Variants in GPR137C observed in about 807,000 individuals in gnomAD.
GPR137C encodes G protein-coupled receptor 137C, also known as integral membrane protein GPR137C.
A neutral mutation model predicts 43.4 loss-of-function variants in GPR137C; 27 were observed. The observed-to-expected ratio is 0.62, with a 90% CI of 0.46 to 0.86. The LOEUF is 0.86. Among genes scored for constraint, GPR137C ranks in the 40% least tolerant of loss-of-function variants. GPR137C has a pLI of 0.00. For missense variants in GPR137C, 522 were observed against 534.6 expected (o/e 0.98, Z 0.23); for synonymous variants, 285 against 226.9 (o/e 1.26, Z -2.30).
intron 3 of GPR137C, among the ~76,000 whole-genome samples, chr14:52,629,520 C>A (rs1042731791): frequency 6.6e-6 from 1 of 152,194 alleles, no homozygotes; most frequent in Non-Finnish European, 1.5e-5. Context: ...AAACAACTAA[C>A]TCCTGATAGA....
chr14:52,576,395 T>C (rs1392935392), intron 1 of GPR137C, among the ~76,000 whole-genome samples: 1 of 152,242 alleles, frequency 6.6e-6, no homozygotes, highest in Non-Finnish European at 1.5e-5. Flanking sequence ...TGATTCTGTA[T>C]CTTTGCTATT....
chr14:52,634,792 CA>C, intron 6 of GPR137C, 145 bp from the exon 7 acceptor site: 1 of 671,462 alleles, frequency 1.5e-6, no homozygotes, highest in East Asian at 3.0e-5. Flanking sequence ...TGTAGAAAAG[CA>C]TTTTGTTATT....
At chr14:52,569,502 A>G (rs1486629106) in intron 1 of GPR137C, among the ~76,000 whole-genome samples, 2 of 152,082 alleles carry the variant, frequency 1.3e-5, no homozygotes, top group Non-Finnish European at 2.9e-5. Context: ...CTCCAAGCTA[A>G]AGGAGCATGT....
chr14:52,573,842 T>C (rs901330060), intron 1 of GPR137C, among the ~76,000 whole-genome samples: 8 of 152,002 alleles, frequency 5.3e-5, no homozygotes, highest in African/African-American at 1.7e-4. Flanking sequence ...AGGGCTAATA[T>C]CCAGAATTTA....
chr14:52,581,383 A>AG (rs2038644487), intron 1 of GPR137C, among the ~76,000 whole-genome samples: 1 of 150,430 alleles, frequency 6.6e-6, no homozygotes, highest in East Asian at 2.0e-4. Flanking sequence ...AAAAAAAAAA[A>AG]AAAATAGCTG....
chr14:52,570,533 T>C (rs765692379), intron 1 of GPR137C, among the ~76,000 whole-genome samples: 20 of 152,144 alleles, frequency 1.3e-4, no homozygotes, highest in Non-Finnish European at 8.8e-5. Context: ...AATTACCCAA[T>C]TAAAAGACAC....
At chr14:52,559,340 C>G (rs1166737743) in intron 1 of GPR137C, among the ~76,000 whole-genome samples, 1 of 152,146 alleles carries the variant, frequency 6.6e-6, no homozygotes, top group Non-Finnish European at 1.5e-5. Context: ...CGAGATCACA[C>G]CACTGCACTC....
Position 52,598,278 on chromosome 14 carries a change from T to C in GPR137C, c.451T>C (p.Cys151Arg), listed in dbSNP as rs377264382. The change falls in exon 2 of 7, where the codon TGT (cysteine) becomes CGT (arginine). Residue 151 changes from cysteine to arginine, a missense_variant. By Grantham distance (180) the Cys-to-Arg change is radical. This residue lies in a region of GPR137C where 437 missense variants were observed against 425.7 expected (regional missense o/e 1.03). Coordinates refer to ENST00000321662, the MANE Select transcript of GPR137C (RefSeq NM_001099652.2). The part of the protein sequence containing the change: ...LLNLYLAEVI[C>R]KVRCATELDR... ...TTTTATATTCTCTTTATAGGTTATA[T>C]GTAAAGTCAGATGTGCCACTGAACT... 7.3e-5 allele frequency: 99 copies of C among 1,364,444 alleles called. No homozygotes were observed. Among genetic ancestry groups the C allele is most frequent in the Non-Finnish European group, 9.5e-5 (95 of 997,752 alleles). The allele number at this position is 1,364,444 out of a possible 1,614,324, so 84.5% of individuals were successfully genotyped here.
chr14:52,620,179 T>C (rs774268491), intron 3 of GPR137C, among the ~76,000 whole-genome samples: 1 of 152,126 alleles, frequency 6.6e-6, no homozygotes, highest in Non-Finnish European at 1.5e-5. Flanking sequence ...ACTGTTTTAC[T>C]GGCTTGAAAA....
chr14:52,602,191 A>C (rs981616266), intron 3 of GPR137C, among the ~76,000 whole-genome samples: 8 of 151,752 alleles, frequency 5.3e-5, no homozygotes, highest in African/African-American at 1.5e-4. Context: ...TTCTTGTATA[A>C]TCACTAGACT....
rs2039369081 is a variant in GPR137C at position 52,637,707 on chromosome 14, GC to G, written c.*2593del. On this transcript the variant is annotated 3_prime_UTR_variant, in exon 7 of 7. Transcript: ENST00000321662. ...TACTATTAAAAATAAAAGTGTTTGT[GC>G]TTTTATTTAGAGTTCTGGTTTTCTT... is the stretch of plus-strand genomic sequence containing the variant. 1 of 151,580 alleles carries G rather than the reference GC, an allele frequency of 6.6e-6. No homozygotes were observed. Among genetic ancestry groups the G allele is most frequent in the Admixed American group, 6.6e-5 (1 of 15,196 alleles). 9.4% of individuals were successfully genotyped at this position (151,580 alleles called of 1,614,324 possible). A position where few individuals can be genotyped will look rare whatever the true frequency, so the allele number is the denominator to read the frequency against.
intron 3 of GPR137C, chr14:52,612,803 T>C (rs1183842214): frequency 2.0e-5 from 3 of 151,784 alleles, no homozygotes; most frequent in Non-Finnish European, 4.4e-5. Flanking sequence ...TGGCCTCAGA[T>C]GATCCTGTCA....
intron 1 of GPR137C, among the ~76,000 whole-genome samples, chr14:52,594,576 C>T (rs1474717260): frequency 6.6e-6 from 1 of 152,128 alleles, no homozygotes; most frequent in Non-Finnish European, 1.5e-5. Flanking sequence ...CAGTAATGGC[C>T]TTCTTTGTCT....
intron 1 of GPR137C, among the ~76,000 whole-genome samples, chr14:52,573,629 A>G (rs2038505238): frequency 1.3e-5 from 2 of 152,178 alleles, no homozygotes; most frequent in Admixed American, 1.3e-4. Flanking sequence ...CCAAGAAGAA[A>G]ACCTAGGCAA....
rs1369672727 is a variant in GPR137C, at chr14:52,634,948, T to G, written c.1123T>G (p.Ser375Ala). ...GSSREGSLPN[S>A]QSLGWYGTMT... ...TTTTTTTTGTTGCAGTTTACCAAAT[T>G]CGCAAAGTTTGGGCTGGTATGGCAC... is the stretch of plus-strand genomic sequence containing the variant. Residue 375 changes from serine (S) to alanine (A), a missense_variant, in exon 7 of 7, where the codon TCG (serine) becomes GCG (alanine). Physicochemically the swap from Ser to Ala is moderately conservative, Grantham distance 99. Coordinates refer to ENST00000321662, the MANE Select transcript of GPR137C (RefSeq NM_001099652.2). 1 of 1,612,220 alleles carries G rather than the reference T, an allele frequency of 6.2e-7. No homozygotes were observed. Among genetic ancestry groups the G allele is most frequent in the Non-Finnish European group, 8.5e-7 (1 of 1,179,142 alleles).
chr14:52,582,700 A>G (rs2038663524), intron 1 of GPR137C, among the ~76,000 whole-genome samples: 1 of 152,158 alleles, frequency 6.6e-6, no homozygotes, highest in Non-Finnish European at 1.5e-5. Flanking sequence ...AGGCTGAGGC[A>G]GGAGAATGGC....
At chr14:52,583,445 T>C (rs2038674454) in intron 1 of GPR137C, among the ~76,000 whole-genome samples, 1 of 152,210 alleles carries the variant, frequency 6.6e-6, no homozygotes, top group African/African-American at 2.4e-5. Context: ...TCTGGGATGG[T>C]AGCTGACCTT....
intron 1 of GPR137C, among the ~76,000 whole-genome samples, chr14:52,556,391 C>CTT (rs76210630): frequency 3.4e-4 from 47 of 140,266 alleles, no homozygotes; most frequent in East Asian, 6.1e-4. Flanking sequence ...CCCCTTTTTT[C>CTT]TTTTTTTTTT....
intron 3 of GPR137C, chr14:52,611,613 A>G (rs1040056003): frequency 1.9e-6 from 1 of 528,528 alleles, no homozygotes; most frequent in Non-Finnish European, 2.4e-6. Context: ...AAAATTAACC[A>G]ACTTTTTTTG....
Sources: allele counts gnomAD v4.1 joint callset (sites outside exome capture counted in the v4.1 genomes callset), GRCh38; gene constraint gnomAD v4.1.1; regional missense constraint gnomAD v4.1.1; transcripts MANE v1.5; gene names NCBI Gene and HGNC (gene_info 2026-07-23, HGNC 2026-07-21).